RIN2: variants seen among roughly 807,000 people sequenced by gnomAD.
RIN2 encodes RAB5 interacting protein 2.
Under a neutral mutation model 78.0 loss-of-function variants are expected in RIN2, and 36 were observed. The ratio of observed to expected loss-of-function variants is 0.46; its 90% CI spans 0.35 to 0.61. RIN2 has a LOEUF of 0.61. Ranked by LOEUF, RIN2 falls within the 20% of genes least tolerant of loss-of-function variation. The pLI is 0.00. For missense variants in RIN2, 1,087 were observed against 1,159.7 expected (o/e 0.94, Z 0.91); for synonymous variants, 466 against 466.8 (o/e 1.00, Z 0.02).
At chr20:19,830,997 C>G (rs1023886078) in intron 2 of RIN2, among the ~76,000 whole-genome samples, 2 of 152,232 alleles carry the variant, frequency 1.3e-5, no homozygotes, top group African/African-American at 4.8e-5. Flanking sequence ...TCCACAGGCA[C>G]TGATCCCACG....
intron 2 of RIN2, among the ~76,000 whole-genome samples, chr20:19,816,690 A>T (rs938795844): frequency 2.0e-5 from 3 of 152,212 alleles, no homozygotes; most frequent in Admixed American, 2.0e-4. Flanking sequence ...TCACACAAAC[A>T]AAAAGCCTGA....
intron 2 of RIN2, among the ~76,000 whole-genome samples, chr20:19,813,755 A>G (rs1229367945): frequency 6.6e-6 from 1 of 152,248 alleles, no homozygotes; most frequent in East Asian, 1.9e-4. Flanking sequence ...AAATATATAA[A>G]AAGCACTGGG....
intron 2 of RIN2, among the ~76,000 whole-genome samples, chr20:19,842,694 C>A (rs1413675091): frequency 6.6e-6 from 1 of 152,028 alleles, no homozygotes; most frequent in African/African-American, 2.4e-5. Flanking sequence ...AGAAGAGATT[C>A]GTGTTGTTTT....
At chr20:19,985,626 T>C (rs199598) in intron 9 of RIN2, among the ~76,000 whole-genome samples, 111,073 of 152,094 alleles carry the variant, frequency 0.73, 40,763 homozygotes, top group East Asian at 0.81. Context: ...AATCCCAGTG[T>C]TTTGGGAGGC....
At position 19,875,303 on chromosome 20, in the gene RIN2, C is replaced by T. The variant is rs572841344; in HGVS notation, c.-36-14263C>T. 1.8e-3 allele frequency among the ~76,000 whole-genome samples: 274 copies of T among 152,194 alleles called. 1 individual carries two copies. Among genetic ancestry groups the T allele is most frequent in the African/African-American group, 6.4e-3 (264 of 41,540 alleles). On this transcript the variant is annotated intron_variant, in intron 2 of 12. Coordinates refer to ENST00000255006, the MANE Select transcript of RIN2 (RefSeq NM_018993.4). ...CCTCCCAAGTAGCTGGGATTACAGG[C>T]GCACGCTACCATGCCCGGCTAATTT...
chr20:19,797,161 C>T (rs2035083671), intron 1 of RIN2, among the ~76,000 whole-genome samples: 1 of 152,184 alleles, frequency 6.6e-6, no homozygotes, highest in African/African-American at 2.4e-5. Context: ...GCTGTTCCCC[C>T]AGGTGGTCTC....
At chr20:19,964,578 G>A (rs1222269934) in intron 6 of RIN2, among the ~76,000 whole-genome samples, 1 of 152,160 alleles carries the variant, frequency 6.6e-6, no homozygotes. Flanking sequence ...AGGGATCGAG[G>A]GGAGTAGGGG....
chr20:19,765,882 T>C (rs2033863884), intron 1 of RIN2, among the ~76,000 whole-genome samples: 2 of 152,054 alleles, frequency 1.3e-5, no homozygotes, highest in Non-Finnish European at 2.9e-5. Context: ...GGCAAGACCC[T>C]TTGGAAGGTT....
intron 2 of RIN2, among the ~76,000 whole-genome samples, chr20:19,822,223 C>T (rs531815922): frequency 6.6e-5 from 10 of 152,260 alleles, no homozygotes; most frequent in African/African-American, 2.4e-4. Context: ...ACAGGTTGAC[C>T]AGCTCTTCAA....
At chr20:19,807,741 T>C (rs747722327) in intron 2 of RIN2, among the ~76,000 whole-genome samples, 1 of 152,222 alleles carries the variant, frequency 6.6e-6, no homozygotes, top group Non-Finnish European at 1.5e-5. Context: ...GTGTGTGTTT[T>C]CCTAAATTTT....
In RIN2 at chr20:20,001,121, G is replaced by C; in HGVS notation, c.*185G>C. 1 of 578,016 alleles carries C rather than the reference G, an allele frequency of 1.7e-6. No homozygotes were observed. Among genetic ancestry groups the C allele is most frequent in the South Asian group, 2.4e-5 (1 of 42,390 alleles). 35.8% of individuals were successfully genotyped at this position (578,016 alleles called of 1,614,324 possible). ...GCCACGCAAGGTAGCTGAGGTTTGT[G>C]AAACAGTAGGATTCTCTTTTGGCAA... On this transcript the variant is annotated 3_prime_UTR_variant, in exon 13 of 13. Coordinates refer to ENST00000255006, the MANE Select transcript of RIN2 (RefSeq NM_018993.4).
At chr20:19,993,011 C>T (rs2042843330) in intron 11 of RIN2, among the ~76,000 whole-genome samples, 1 of 152,112 alleles carries the variant, frequency 6.6e-6, no homozygotes, top group African/African-American at 2.4e-5. Context: ...CGGGTTCCTT[C>T]TCCTTGTGTC....
At chr20:19,811,970 A>G (rs2035617665) in intron 2 of RIN2, among the ~76,000 whole-genome samples, 1 of 152,192 alleles carries the variant, frequency 6.6e-6, no homozygotes, top group Non-Finnish European at 1.5e-5. Flanking sequence ...AAGTGGAACT[A>G]TACCATATAT....
chr20:19,880,811 A>G (rs563416303), intron 2 of RIN2, among the ~76,000 whole-genome samples: 3 of 152,228 alleles, frequency 2.0e-5, no homozygotes, highest in Non-Finnish European at 2.9e-5. Context: ...ACTGTGAACA[A>G]GCAGATGAGA....
chr20:19,833,937 G>T (rs2036328010), intron 2 of RIN2, among the ~76,000 whole-genome samples: 1 of 152,062 alleles, frequency 6.6e-6, no homozygotes, highest in Non-Finnish European at 1.5e-5. Flanking sequence ...GCCCCCTCCT[G>T]CTTGTCCCCG....
In RIN2 at chr20:19,860,092, A is replaced by T. The variant is rs58459756; in HGVS notation, c.-36-29474A>T. On this transcript the variant is annotated intron_variant, in intron 2 of 12. Coordinates refer to ENST00000255006, the MANE Select transcript of RIN2 (RefSeq NM_018993.4). ...AAAGGAGCTGGGTGTTTATTTGCCA[A>T]CTCCTGCCAGGCATTGGCTTATCTC... is the stretch of plus-strand genomic sequence containing the variant. 6.5e-3 allele frequency among the ~76,000 whole-genome samples: 994 copies of T among 152,062 alleles called. 14 individuals are homozygous for T. The highest frequency in any genetic ancestry group is 0.022 in the African/African-American group (930 of 41,472).
At chr20:19,987,113 A>C (rs928833406) in intron 9 of RIN2, among the ~76,000 whole-genome samples, 2 of 152,248 alleles carry the variant, frequency 1.3e-5, no homozygotes, top group African/African-American at 4.8e-5. Context: ...GTTCTGGAGC[A>C]GTAATGTGAG....
chr20:19,824,164 A>G (rs1002157986), intron 2 of RIN2, among the ~76,000 whole-genome samples: 11 of 152,140 alleles, frequency 7.2e-5, no homozygotes, highest in African/African-American at 2.7e-4. Flanking sequence ...CTCCCTCCCA[A>G]TGGCCTTTCC....
At chr20:19,924,531 G>C (rs111220197) in intron 3 of RIN2, among the ~76,000 whole-genome samples, 2 of 932 alleles carry the variant, frequency 2.1e-3, no homozygotes, top group Middle Eastern at 0.25. Flanking sequence ...CTTCGTTCCC[G>C]ACCTCTTCAT....
Sources: allele counts gnomAD v4.1 joint callset (sites outside exome capture counted in the v4.1 genomes callset), GRCh38; gene constraint gnomAD v4.1.1; transcripts MANE v1.5; gene names NCBI Gene and HGNC (gene_info 2026-07-23, HGNC 2026-07-21).